Variants in ARHGEF17 observed in about 807,000 individuals in gnomAD.
The protein encoded by ARHGEF17 is Rho guanine nucleotide exchange factor 17.
A neutral mutation model predicts 174.0 loss-of-function variants in ARHGEF17; 80 were observed. The observed-to-expected ratio is 0.46, with a 90% CI of 0.38 to 0.55. The LOEUF is 0.55. ARHGEF17 is among the 20% of genes least tolerant of loss of function. The pLI is 0.00. For synonymous variants in ARHGEF17, 1,311 were observed against 1,189.1 expected (o/e 1.10, Z -2.11); for missense variants, 2,886 against 2,839.7 (o/e 1.02, Z -0.37).
At chr11:73,330,173 TTGTC>T (rs1345974973) in intron 1 of ARHGEF17, among the ~76,000 whole-genome samples, 2 of 152,236 alleles carry the variant, frequency 1.3e-5, no homozygotes, top group African/African-American at 4.8e-5. Context: ...AGTTAGTTCT[TTGTC>T]TGGCATATGA....
In ARHGEF17 at chr11:73,311,302, C is replaced by T. The variant is rs746964996; in HGVS notation, c.2664C>T (p.Ala888=). 6.2e-7 allele frequency: 1 copy of T among 1,613,186 alleles called. No homozygotes were observed. The highest frequency in any genetic ancestry group is 1.1e-5 in the South Asian group (1 of 91,082). The change falls in exon 1 of 21, where the codon GCC becomes GCT. Residue 888 remains alanine (A), a synonymous_variant. Coordinates refer to ENST00000263674, the MANE Select transcript of ARHGEF17 (RefSeq NM_014786.4). The stretch of plus-strand genomic sequence containing the variant: ...GGAGCCGGGCACAGTCTGAAAGGGC[C>T]CTACCTGAGGCTCTGCCTCCCCCTG... ...ATRSRAQSER[A]LPEALPPPAT...
chr11:73,364,621 G>A (rs1865806464), intron 18 of ARHGEF17, 21 bp downstream of exon 18: 24 of 1,598,308 alleles, frequency 1.5e-5, no homozygotes, highest in Non-Finnish European at 1.8e-5. Flanking sequence ...GTGGGGGAAT[G>A]GAATTGGTGC....
At chr11:73,336,978 A>G (rs1298750194) in intron 1 of ARHGEF17, among the ~76,000 whole-genome samples, 1 of 152,250 alleles carries the variant, frequency 6.6e-6, no homozygotes, top group Non-Finnish European at 1.5e-5. Context: ...GCAAGATGGA[A>G]GCACATGGCA....
chr11:73,360,981 G>A (rs1865728638), intron 11 of ARHGEF17, 107 bp from the exon 12 acceptor site: 4 of 898,834 alleles, frequency 4.5e-6, no homozygotes, highest in African/African-American at 1.7e-5. Context: ...TTCCCCTAAA[G>A]AGACCCTGAG....
At chr11:73,331,158 C>G (rs980525556) in intron 1 of ARHGEF17, among the ~76,000 whole-genome samples, 2 of 152,190 alleles carry the variant, frequency 1.3e-5, no homozygotes, top group African/African-American at 4.8e-5. Context: ...CCTGCCACTA[C>G]CCTGGACTTG....
intron 20 of ARHGEF17, 63 bp downstream of exon 20, chr11:73,366,010 A>G (rs1036032694): frequency 5.5e-5 from 86 of 1,549,592 alleles, no homozygotes; most frequent in Non-Finnish European, 6.9e-5. Flanking sequence ...ACTCCCCACT[A>G]TCCTGCCAGA....
In ARHGEF17 at chr11:73,345,864, A is replaced by T. The variant is rs1306932110; in HGVS notation, c.3193-1019A>T. Among the ~76,000 whole-genome samples, 3 of 152,178 alleles carry T rather than the reference A, an allele frequency of 2.0e-5. No homozygotes were observed. In the East Asian group the frequency reaches 5.8e-4, roughly 29 times the overall value. On this transcript the variant is annotated intron_variant, in intron 1 of 20. Coordinates refer to ENST00000263674, the MANE Select transcript of ARHGEF17 (RefSeq NM_014786.4). ...ACTCTAGGGCTTTAGAGGGGTCAGGAGTGGAGTCTAGGGGTCTAGGGCTTG... is the reference window on the plus strand; with the variant it reads ...ACTCTAGGGCTTTAGAGGGGTCAGGTGTGGAGTCTAGGGGTCTAGGGCTTG...
At chr11:73,337,443 A>G (rs1445214516) in intron 1 of ARHGEF17, among the ~76,000 whole-genome samples, 1 of 151,384 alleles carries the variant, frequency 6.6e-6, no homozygotes, top group Admixed American at 6.6e-5. Context: ...GATGATAGCT[A>G]TCTTCAAAAC....
Position 73,368,155 on chromosome 11 carries a change from C to T in ARHGEF17, c.*375C>T. 9.7e-6 allele frequency: 2 copies of T among 206,318 alleles called. No individual in the cohort carries two copies. The highest frequency in any genetic ancestry group is 2.0e-5 in the Non-Finnish European group (2 of 101,870). The allele number at this position is 206,318 out of a possible 1,614,324, so 12.8% of individuals were successfully genotyped here. ...AGGGCAGCAGGAAGGCTGGGGAATT[C>T]CCCATGTACAGTATTTATGTTTCTT... On this transcript the variant is annotated 3_prime_UTR_variant, in exon 21 of 21. Coordinates refer to ENST00000263674, the MANE Select transcript of ARHGEF17 (RefSeq NM_014786.4).
chr11:73,326,974 C>T (rs565836611), intron 1 of ARHGEF17, among the ~76,000 whole-genome samples: 1 of 152,336 alleles, frequency 6.6e-6, no homozygotes, highest in Non-Finnish European at 1.5e-5. Flanking sequence ...AAGCCTCTCC[C>T]TTCAGTGTCT....
Position 73,365,246 on chromosome 11 carries a change from G to C in ARHGEF17, c.5551-144G>C. 1 of 882,076 alleles carries C rather than the reference G, an allele frequency of 1.1e-6. No homozygotes were observed. The highest frequency in any genetic ancestry group is 1.7e-6 in the Non-Finnish European group (1 of 580,106). The allele number at this position is 882,076 out of a possible 1,614,324, so 54.6% of individuals were successfully genotyped here. Reference sequence around the variant, plus strand: ...GAGAACTAAGTTGGGAGGTGCTGGTGAAACCAAGCTTCGAAAGGTTAATCA... The same window carrying C: ...GAGAACTAAGTTGGGAGGTGCTGGTCAAACCAAGCTTCGAAAGGTTAATCA... On this transcript the variant is annotated intron_variant, in intron 18 of 20. Transcript: ENST00000263674. This position sits in a 1 kb window ranked among gnomAD's most constrained non-coding sequence, Gnocchi z 4.9.
intron 2 of ARHGEF17, among the ~76,000 whole-genome samples, chr11:73,351,656 A>G (rs1018122684): frequency 1.3e-5 from 2 of 152,054 alleles, no homozygotes; most frequent in Non-Finnish European, 1.5e-5. Flanking sequence ...ATCTCGGCTC[A>G]CTGCCACCTC....
chr11:73,324,933 A>T (rs1220723965), intron 1 of ARHGEF17, among the ~76,000 whole-genome samples: 1 of 152,096 alleles, frequency 6.6e-6, no homozygotes, highest in Non-Finnish European at 1.5e-5. Flanking sequence ...TCCTCCCTTT[A>T]TGGGCCCAGG....
Position 73,365,823 on chromosome 11 carries a change from G to T in ARHGEF17, c.5871G>T (p.Arg1957=). 2 of 1,613,372 alleles carry T rather than the reference G, an allele frequency of 1.2e-6. No homozygotes were observed. Among genetic ancestry groups the T allele is most frequent in the Non-Finnish European group, 1.7e-6 (2 of 1,180,036 alleles). Residue 1957 remains arginine (R), a synonymous_variant, in exon 20 of 21, where the codon CGG becomes CGT. Transcript: ENST00000263674. The surrounding 1 kb of genome is among the most constrained non-coding windows in gnomAD (Gnocchi z 4.9). ...CGCCCGGTACTGTCAGCTGCCCACGGGCACCACTCAGTCCCACAGGCCTCG... is the reference window on the plus strand; with the variant it reads ...CGCCCGGTACTGTCAGCTGCCCACGTGCACCACTCAGTCCCACAGGCCTCG... ...PTSPGTVSCP[R]APLSPTGLGQ... is the part of the protein sequence containing the mutation.
rs1865656431 is a variant in ARHGEF17, at chr11:73,357,111, C to T, written c.3978C>T (p.Ser1326=). The change falls in exon 8 of 21, where the codon TCC becomes TCT. Residue 1326 remains serine, a synonymous_variant. Transcript: ENST00000263674. The part of the protein sequence containing the change: ...VCTTLKRKSG[S]LRRSSMSLYT... ...CCACTCTGAAGCGAAAGTCAGGCTC[C>T]CTGCGGCGCAGCTCCATGAGCCTGT... The T allele has an allele frequency of 6.2e-7, 1 of 1,614,094 alleles. No individual in the cohort carries two copies. The highest frequency in any genetic ancestry group is 1.3e-5 in the African/African-American group (1 of 74,934).
intron 1 of ARHGEF17, among the ~76,000 whole-genome samples, chr11:73,334,393 A>G (rs1865255091): frequency 6.6e-6 from 1 of 152,000 alleles, no homozygotes; most frequent in Non-Finnish European, 1.5e-5. Flanking sequence ...TGGGGAGGAG[A>G]CTGGGGTTGG....
Position 73,308,656 on chromosome 11 carries a change from C to T in ARHGEF17, c.18C>T (p.Pro6=), listed in dbSNP as rs763945413. Reference sequence around the variant, plus strand: ...ACGCCACTATGGCGGACGGGGCACCCCGGCCCCAGCTTTACCGCAGCGTCT... The same window carrying T: ...ACGCCACTATGGCGGACGGGGCACCTCGGCCCCAGCTTTACCGCAGCGTCT... MADGA[P]RPQLYRSVSF... Residue 6 remains proline (P), a synonymous_variant, in exon 1 of 21, where the codon CCC becomes CCT. Transcript: ENST00000263674. 42 of 1,508,064 alleles carry T rather than the reference C, an allele frequency of 2.8e-5. No homozygotes were observed. The highest frequency in any genetic ancestry group is 3.5e-5 in the Non-Finnish European group (40 of 1,132,364). The allele number at this position is 1,508,064 out of a possible 1,614,324, so 93.4% of individuals were successfully genotyped here. A position where few individuals can be genotyped will look rare whatever the true frequency, so the allele number is the denominator to read the frequency against.
intron 1 of ARHGEF17, among the ~76,000 whole-genome samples, chr11:73,325,422 T>C (rs1369658918): frequency 6.6e-6 from 1 of 152,132 alleles, no homozygotes; most frequent in African/African-American, 2.4e-5. Flanking sequence ...TGCTGGAGCC[T>C]GCGGGCTGGA....
chr11:73,315,629 A>AT (rs1347226838), intron 1 of ARHGEF17, among the ~76,000 whole-genome samples: 1 of 152,108 alleles, frequency 6.6e-6, no homozygotes, highest in Non-Finnish European at 1.5e-5. Flanking sequence ...CTATAATTAA[A>AT]TGTCTTGTCA....
Sources: allele counts gnomAD v4.1 joint callset (sites outside exome capture counted in the v4.1 genomes callset), GRCh38; gene constraint gnomAD v4.1.1; non-coding constraint Gnocchi (gnomAD v3.1); transcripts MANE v1.5; gene names NCBI Gene and HGNC (gene_info 2026-07-23, HGNC 2026-07-21).